The following RABGAP1 variants were observed in gnomAD, a reference collection of about 807,000 sequenced individuals.
RABGAP1 encodes the protein RAB GTPase activating protein 1.
RABGAP1 carries 23 observed loss-of-function variants against 137.6 expected under a neutral mutation model. The ratio of observed to expected loss-of-function variants is 0.17; its 90% CI spans 0.12 to 0.24. The LOEUF (loss-of-function observed/expected upper bound fraction) is 0.24, where lower values mean the gene tolerates loss of function less well. Among genes scored for constraint, RABGAP1 ranks in the 10% least tolerant of loss-of-function variants. The pLI is 1.00. For synonymous variants in RABGAP1, 451 were observed against 450.7 expected (o/e 1.00, Z -0.01); for missense variants, 906 against 1,275.8 (o/e 0.71, Z 4.42).
chr9:123,080,723 C>T (rs2034679833), intron 19 of RABGAP1, among the ~76,000 whole-genome samples: 1 of 152,036 alleles, frequency 6.6e-6, no homozygotes, highest in Non-Finnish European at 1.5e-5. Context: ...ATATGTGGTT[C>T]CAAAAGCTTG....
chr9:123,038,630 A>C (rs2032793669), intron 13 of RABGAP1, among the ~76,000 whole-genome samples: 1 of 152,144 alleles, frequency 6.6e-6, no homozygotes, highest in Admixed American at 6.6e-5. Context: ...GGGAAATTTA[A>C]GAATGGGAAA....
chr9:123,098,668 T>C, intron 22 of RABGAP1, 47 bp from the exon 23 acceptor site: 1 of 1,562,558 alleles, frequency 6.4e-7, no homozygotes, highest in Non-Finnish European at 8.7e-7. Context: ...CAGAACTTCC[T>C]TTATTTTTCT....
chr9:122,965,467 T>C (rs915309109), intron 2 of RABGAP1, among the ~76,000 whole-genome samples: 1 of 152,176 alleles, frequency 6.6e-6, no homozygotes, highest in African/African-American at 2.4e-5. Flanking sequence ...CACTTCAACC[T>C]CCGCCTCCTG....
chr9:123,095,882 T>A (rs1372054175), intron 21 of RABGAP1, among the ~76,000 whole-genome samples: 1 of 152,222 alleles, frequency 6.6e-6, no homozygotes, highest in East Asian at 1.9e-4. Flanking sequence ...CCCAGAAACT[T>A]TTCTGTTATT....
At chr9:122,989,567 C>A in intron 5 of RABGAP1, 96 bp downstream of exon 5, 1 of 1,302,658 alleles carries the variant, frequency 7.7e-7, no homozygotes, top group Non-Finnish European at 1.1e-6. Context: ...CACTCATAAG[C>A]CAGATGAAAT....
chr9:122,965,194 T>G (rs1197025586), intron 2 of RABGAP1, among the ~76,000 whole-genome samples: 2 of 152,148 alleles, frequency 1.3e-5, no homozygotes, highest in Non-Finnish European at 2.9e-5. Flanking sequence ...TAGATGAACC[T>G]TAAGAACATT....
intron 13 of RABGAP1, among the ~76,000 whole-genome samples, chr9:123,030,843 G>A (rs573922710): frequency 6.6e-6 from 1 of 152,214 alleles, no homozygotes; most frequent in South Asian, 2.1e-4. Context: ...AATTTATAGA[G>A]CCTCCCCAAG....
At chr9:123,034,494 A>G in intron 13 of RABGAP1, 1 of 903,116 alleles carries the variant, frequency 1.1e-6, no homozygotes. Flanking sequence ...CCGCAATGAC[A>G]GCAGCTGCTT....
intron 17 of RABGAP1, among the ~76,000 whole-genome samples, chr9:123,074,866 T>C (rs1388431934): frequency 6.6e-6 from 1 of 152,224 alleles, no homozygotes; most frequent in Non-Finnish European, 1.5e-5. Context: ...GTGCCTCCTC[T>C]GTTTTCAAAA....
chr9:123,029,995 G>A (rs74614488), intron 13 of RABGAP1, among the ~76,000 whole-genome samples: 2,402 of 152,118 alleles, frequency 0.016, 34 homozygotes, highest in South Asian at 0.066. Context: ...TTCATTTCTC[G>A]TTCTGCTTTT....
chr9:123,100,439 T>TGTGTGTGTGTG (rs2035311757), intron 24 of RABGAP1, among the ~76,000 whole-genome samples: 1 of 121,952 alleles, frequency 8.2e-6, no homozygotes, highest in East Asian at 3.0e-4. Flanking sequence ...GTGTGTGTGT[T>TGTGTGTGTGTG]TGAGACAGAG....
At chr9:123,046,328 A>C (rs2132040852) in intron 13 of RABGAP1, among the ~76,000 whole-genome samples, 1 of 152,348 alleles carries the variant, frequency 6.6e-6, no homozygotes, top group East Asian at 1.9e-4. Flanking sequence ...CCAAACTTTA[A>C]AAATGAGTTG....
intron 13 of RABGAP1, among the ~76,000 whole-genome samples, chr9:123,049,412 T>A (rs2033361914): frequency 6.6e-6 from 1 of 152,218 alleles, no homozygotes; most frequent in South Asian, 2.1e-4. Context: ...ATGAACTCCT[T>A]ACTAAATTAG....
chr9:122,937,729 C>T (rs1164212447), upstream of RABGAP1: 6 of 152,248 alleles, frequency 3.9e-5, no homozygotes, highest in Admixed American at 3.9e-4. Context: ...TGTGATGGCT[C>T]ATGCCGGTAA....
chr9:123,055,439 C>T (rs2033652149), intron 13 of RABGAP1, among the ~76,000 whole-genome samples: 1 of 151,830 alleles, frequency 6.6e-6, no homozygotes, highest in South Asian at 2.1e-4. Flanking sequence ...ACCGTGTTGC[C>T]CAGGCTGGTC....
At chr9:122,945,121 A>G (rs1176901723) in intron 1 of RABGAP1, among the ~76,000 whole-genome samples, 1 of 123,990 alleles carries the variant, frequency 8.1e-6, no homozygotes, top group Non-Finnish European at 1.7e-5. Flanking sequence ...GCCTGGAAAA[A>G]CACCATGTAT....
At chr9:123,099,963 A>G (rs1209816876) in intron 24 of RABGAP1, among the ~76,000 whole-genome samples, 2 of 152,034 alleles carry the variant, frequency 1.3e-5, no homozygotes, top group African/African-American at 4.8e-5. Context: ...AACACATCCA[A>G]TTACAATGAG....
At chr9:122,942,244 T>C (rs1833621683) in intron 1 of RABGAP1, among the ~76,000 whole-genome samples, 1 of 152,198 alleles carries the variant, frequency 6.6e-6, no homozygotes, top group African/African-American at 2.4e-5. Flanking sequence ...GTTTGAAAAG[T>C]AGTTGGGAAA....
intron 21 of RABGAP1, among the ~76,000 whole-genome samples, chr9:123,096,254 C>T (rs1215188843): frequency 6.6e-6 from 1 of 152,182 alleles, no homozygotes; most frequent in Non-Finnish European, 1.5e-5. Context: ...TGGATTGTTA[C>T]ACCTTCAAAG....
Sources: gnomAD v4.1 joint callset for allele counts (sites outside exome capture counted in the v4.1 genomes callset) on GRCh38, gnomAD v4.1.1 for gene constraint, MANE v1.5 for transcripts, NCBI Gene and HGNC (gene_info 2026-07-23, HGNC 2026-07-21) for gene names.